MCC: variants seen among roughly 807,000 people sequenced by gnomAD.
The protein encoded by MCC is MCC regulator of Wnt signaling pathway.
In MCC, 90 loss-of-function variants were observed where a neutral mutation model predicts 116.2. That is an observed-to-expected ratio of 0.77 (90% confidence interval 0.65 to 0.92). The LOEUF (loss-of-function observed/expected upper bound fraction) is 0.92, where lower values mean the gene tolerates loss of function less well. Ranked by LOEUF, MCC falls within the 40% of genes least tolerant of loss-of-function variation. The pLI, the probability that MCC is intolerant of heterozygous loss-of-function variation, is 0.00. For synonymous variants in MCC, 578 were observed against 510.5 expected (o/e 1.13, Z -1.78); for missense variants, 1,516 against 1,312.2 (o/e 1.16, Z -2.40).
chr5:113,443,248 T>C (rs1279884299), intron 1 of MCC, among the ~76,000 whole-genome samples: 1 of 152,194 alleles, frequency 6.6e-6, no homozygotes, highest in East Asian at 1.9e-4. Context: ...TATTTTATTC[T>C]CTTAGTAGCA....
rs575267401 is a variant in MCC, at chr5:113,250,014, A to C, written c.627+90505T>G. Among the ~76,000 whole-genome samples the C allele has an allele frequency of 1.7e-4, 26 of 152,370 alleles. No individual in the cohort carries two copies. In the South Asian group the frequency reaches 4.1e-3, roughly 24 times the overall value. Reference sequence around the variant, plus strand: ...ATGCAGTATTTCAGGAACCACCACCAAATAAGAAGAAACATCTGAAAGGAA... The same window carrying C: ...ATGCAGTATTTCAGGAACCACCACCCAATAAGAAGAAACATCTGAAAGGAA... On this transcript the variant is annotated intron_variant, in intron 3 of 18. Coordinates refer to ENST00000408903, the MANE Select transcript of MCC (RefSeq NM_001085377.2).
At position 113,093,449 on chromosome 5, in the gene MCC, T is replaced by G. The variant is rs191429444; in HGVS notation, c.1399-8139A>C. ...GCAACATAGCCAGATCCCATATCTA[T>G]CTTATCTATCTATCTGTTGATCTCT... On this transcript the variant is annotated intron_variant, in intron 8 of 18. Transcript: ENST00000408903. Among the ~76,000 whole-genome samples the G allele has an allele frequency of 5.6e-3, 844 of 151,440 alleles. 7 individuals are homozygous for G. The highest frequency in any genetic ancestry group is 0.015 in the South Asian group (72 of 4,790).
chr5:113,267,124 A>C (rs530955105), intron 3 of MCC, among the ~76,000 whole-genome samples: 1 of 152,312 alleles, frequency 6.6e-6, no homozygotes, highest in East Asian at 1.9e-4. Flanking sequence ...CCTGTATCCC[A>C]GGGCACGTTC....
chr5:113,087,814 A>T, intron 8 of MCC, among the ~76,000 whole-genome samples: 1 of 151,996 alleles, frequency 6.6e-6, no homozygotes, highest in South Asian at 2.1e-4. Flanking sequence ...AAATACAGAT[A>T]AAAAAAATCC....
At chr5:113,105,525 C>G (rs898847567) in intron 6 of MCC, among the ~76,000 whole-genome samples, 1 of 152,186 alleles carries the variant, frequency 6.6e-6, no homozygotes, top group Admixed American at 6.5e-5. Context: ...TGTTCCTCCC[C>G]GATCTCTCCC....
chr5:113,064,735 C>T (rs183082794), intron 13 of MCC, among the ~76,000 whole-genome samples: 140 of 152,278 alleles, frequency 9.2e-4, no homozygotes, highest in African/African-American at 3.1e-3. Context: ...TGGTAATCGG[C>T]GTGAACTCAA....
Position 113,391,935 on chromosome 5 carries a change from T to C in MCC, c.171-6723A>G, listed in dbSNP as rs148108705. 2.6e-3 allele frequency among the ~76,000 whole-genome samples: 402 copies of C among 152,310 alleles called. 1 individual carries two copies. Among genetic ancestry groups the C allele is most frequent in the Middle Eastern group, 0.01 (3 of 294 alleles). On this transcript the variant is annotated intron_variant, in intron 1 of 18. Coordinates refer to ENST00000408903, the MANE Select transcript of MCC (RefSeq NM_001085377.2). ...TTTATTTTGTTGTTTCCCATATGCA[T>C]GAATAGTTTTTATTAAAGTAATGTT...
chr5:113,435,067 C>T, intron 1 of MCC: 1 of 531,708 alleles, frequency 1.9e-6, no homozygotes, highest in Non-Finnish European at 3.4e-6. Flanking sequence ...GAATGAGACC[C>T]TGGCCTGAGG....
chr5:113,028,145 C>T (rs1183421811), intron 18 of MCC, among the ~76,000 whole-genome samples: 1 of 152,176 alleles, frequency 6.6e-6, no homozygotes, highest in African/African-American at 2.4e-5. Context: ...GGACTCACCC[C>T]AGAGATTTGT....
chr5:113,177,449 G>A (rs186007827), intron 3 of MCC, among the ~76,000 whole-genome samples: 5 of 152,302 alleles, frequency 3.3e-5, no homozygotes, highest in Admixed American at 2.0e-4. Flanking sequence ...GCAATGGTTA[G>A]GAAACCATCC....
chr5:113,469,437 T>A (rs1226770198), intron 1 of MCC, among the ~76,000 whole-genome samples: 1 of 152,224 alleles, frequency 6.6e-6, no homozygotes, highest in Admixed American at 6.5e-5. Flanking sequence ...CATTTTACTA[T>A]TTACCCAGTA....
intron 3 of MCC, among the ~76,000 whole-genome samples, chr5:113,231,040 C>T (rs1438016951): frequency 2.6e-5 from 4 of 152,106 alleles, no homozygotes; most frequent in African/African-American, 9.7e-5. Flanking sequence ...ATTTTAAAGA[C>T]TTCATTCTGA....
At chr5:113,301,590 T>C in intron 3 of MCC, among the ~76,000 whole-genome samples, 1 of 152,016 alleles carries the variant, frequency 6.6e-6, no homozygotes, top group East Asian at 1.9e-4. Context: ...GGAGCTATGA[T>C]AGGGGAGAGT....
intron 1 of MCC, among the ~76,000 whole-genome samples, chr5:113,432,320 CA>C (rs66577040): frequency 0.19 from 13,048 of 68,840 alleles, 158 homozygotes; most frequent in Non-Finnish European, 0.22. Context: ...GACTCTGTCT[CA>C]AAAAAAAAAA....
chr5:113,118,647 A>C (rs1037883758), intron 6 of MCC, among the ~76,000 whole-genome samples: 8 of 152,258 alleles, frequency 5.3e-5, no homozygotes, highest in Non-Finnish European at 1.0e-4. Flanking sequence ...CTGGGTTGCT[A>C]ATGCAGGTTT....
At chr5:113,359,837 C>G (rs920534524) in intron 2 of MCC, among the ~76,000 whole-genome samples, 1 of 151,978 alleles carries the variant, frequency 6.6e-6, no homozygotes, top group African/African-American at 2.4e-5. Context: ...GCCCCTGAAG[C>G]GGGCTGGGGA....
intron 3 of MCC, among the ~76,000 whole-genome samples, chr5:113,197,147 C>A (rs899014571): frequency 1.3e-5 from 2 of 152,208 alleles, no homozygotes; most frequent in African/African-American, 4.8e-5. Context: ...GTCCGCTCCA[C>A]TGTCACGGGC....
chr5:113,237,056 G>GA (rs941279862), intron 3 of MCC, among the ~76,000 whole-genome samples: 1 of 152,168 alleles, frequency 6.6e-6, no homozygotes, highest in African/African-American at 2.4e-5. Context: ...AGTCCTTGGG[G>GA]AATTCATTAA....
At chr5:113,181,508 G>C (rs776264092) in intron 3 of MCC, among the ~76,000 whole-genome samples, 2 of 152,174 alleles carry the variant, frequency 1.3e-5, no homozygotes, top group Non-Finnish European at 2.9e-5. Context: ...ATCTATAACT[G>C]TAGAATACTA....
Sources: gnomAD v4.1 joint callset for allele counts (sites outside exome capture counted in the v4.1 genomes callset) on GRCh38, gnomAD v4.1.1 for gene constraint, MANE v1.5 for transcripts, NCBI Gene and HGNC (gene_info 2026-07-23, HGNC 2026-07-21) for gene names.